Variants in OTUD7A observed in about 807,000 individuals in gnomAD.
OTUD7A encodes OTU domain-containing protein 7A.
A neutral mutation model predicts 65.7 loss-of-function variants in OTUD7A; 12 were observed. The ratio of observed to expected loss-of-function variants is 0.18; its 90% confidence interval spans 0.12 to 0.30. The LOEUF is 0.30. Among genes scored for constraint, OTUD7A ranks in the 10% least tolerant of loss-of-function variants. The probability of loss-of-function intolerance (pLI) is 1.00; values close to 1 mark genes in which losing one functional copy is unlikely to be tolerated. For missense variants in OTUD7A, 1,148 were observed against 1,304.8 expected, an observed-to-expected ratio of 0.88 and a Z score of 1.85; for synonymous variants, 641 against 586.3, an observed-to-expected ratio of 1.09 and a Z score of -1.35.
At chr15:31,648,565 C>G (rs7496086) in intron 3 of OTUD7A, among the ~76,000 whole-genome samples, 46,713 of 152,014 alleles carry the variant, frequency 0.31, 8,426 homozygotes, top group African/African-American at 0.5. Context: ...GTTCTTTTCT[C>G]CTGATCACAA....
intron 1 of OTUD7A, among the ~76,000 whole-genome samples, chr15:31,772,644 C>G (rs1284079919): frequency 6.6e-6 from 1 of 152,176 alleles, no homozygotes; most frequent in African/African-American, 2.4e-5. Context: ...AGCCCCCCAG[C>G]TGATTTCAAT....
chr15:31,491,630 C>T (rs914218592), intron 10 of OTUD7A, among the ~76,000 whole-genome samples: 4 of 152,004 alleles, frequency 2.6e-5, no homozygotes, highest in Admixed American at 2.0e-4. Flanking sequence ...TTAATGACAA[C>T]CATCAACACA....
chr15:31,804,806 C>G (rs1033520952), intron 1 of OTUD7A, among the ~76,000 whole-genome samples: 1 of 152,172 alleles, frequency 6.6e-6, no homozygotes, highest in Non-Finnish European at 1.5e-5. Flanking sequence ...CAAACCAACC[C>G]ACCTGGCACA....
chr15:31,503,675 T>A lies in OTUD7A; in HGVS notation c.1021+16A>T. The A allele has an allele frequency of 1.2e-6, 2 of 1,614,106 alleles. No homozygotes were observed. The highest frequency in any genetic ancestry group is 1.7e-6 in the Non-Finnish European group (2 of 1,180,010). ...TTCTGTGTCATGAATACAACACATC[T>A]CTTTGAGGAACTTACCTTCTCCACC... On this transcript the variant is annotated intron_variant, in intron 9 of 12. Coordinates refer to ENST00000307050, the MANE Select transcript of OTUD7A (RefSeq NM_001382637.1).
chr15:31,651,476 G>C (rs1265391626), intron 3 of OTUD7A, among the ~76,000 whole-genome samples: 1 of 151,410 alleles, frequency 6.6e-6, no homozygotes, highest in Non-Finnish European at 1.5e-5. Context: ...AGTGAAATAA[G>C]ACAAGAAAAC....
chr15:31,660,174 T>C (rs564108799), intron 1 of OTUD7A, among the ~76,000 whole-genome samples: 226 of 152,334 alleles, frequency 1.5e-3, no homozygotes, highest in African/African-American at 5.2e-3. Context: ...TGGTTAAATA[T>C]GAAAAAAGGT....
chr15:31,746,929 G>T (rs1020873574), intron 1 of OTUD7A, among the ~76,000 whole-genome samples: 1 of 152,204 alleles, frequency 6.6e-6, no homozygotes, highest in African/African-American at 2.4e-5. Context: ...CTGTATCTTG[G>T]TAGGGGTGTC....
intron 3 of OTUD7A, among the ~76,000 whole-genome samples, chr15:31,601,318 G>A (rs1435672543): frequency 6.6e-6 from 1 of 152,088 alleles, no homozygotes; most frequent in East Asian, 1.9e-4. Context: ...ACCCAAAACT[G>A]CACAACAACA....
At chr15:31,540,706 G>A (rs1399507757) in intron 5 of OTUD7A, among the ~76,000 whole-genome samples, 1 of 152,194 alleles carries the variant, frequency 6.6e-6, no homozygotes, top group Non-Finnish European at 1.5e-5. Context: ...AAAATCCTGA[G>A]TTAAATAAAG....
intron 1 of OTUD7A, among the ~76,000 whole-genome samples, chr15:31,810,108 T>C (rs1896380250): frequency 6.6e-6 from 1 of 152,190 alleles, no homozygotes; most frequent in South Asian, 2.1e-4. Context: ...GTGCAGTTCT[T>C]CAGGCAGCTG....
intron 1 of OTUD7A, among the ~76,000 whole-genome samples, chr15:31,668,371 G>A (rs886697485): frequency 1.1e-4 from 17 of 152,120 alleles, no homozygotes; most frequent in African/African-American, 4.1e-4. Context: ...GTCTTTGTTG[G>A]ATTGGATTAA....
Position 31,629,774 on chromosome 15 carries a change from G to A in OTUD7A, c.151+25322C>T, listed in dbSNP as rs114278009. Among the ~76,000 whole-genome samples the A allele has an allele frequency of 7.6e-3, 1,153 of 152,282 alleles. 17 individuals carry two copies. The highest frequency in any genetic ancestry group is 0.026 in the African/African-American group (1,091 of 41,558). ...GATTATTGCTAAAATTTCAGAGCTC[G>A]TTATTGGTCTATTCAGAGATTCAAC... On this transcript the variant is annotated intron_variant, in intron 3 of 12. Coordinates refer to ENST00000307050, the MANE Select transcript of OTUD7A (RefSeq NM_001382637.1).
intron 3 of OTUD7A, among the ~76,000 whole-genome samples, chr15:31,573,813 A>G (rs544799494): frequency 6.6e-6 from 1 of 152,146 alleles, no homozygotes; most frequent in Non-Finnish European, 1.5e-5. Context: ...AGGTACAAGC[A>G]TTGCTTGAAC....
chr15:31,483,692 C>T lies in OTUD7A; in HGVS notation c.2404G>A (p.Ala802Thr). Residue 802 changes from alanine (A) to threonine (T), a missense_variant, in exon 13 of 13, where the codon GCC becomes ACC. This residue lies in a region of OTUD7A where 842 missense variants were observed against 769.5 expected (regional missense o/e 1.09). Transcript: ENST00000307050. ...APAVGALRPC[A>T]TYPQQNRSLS... ...GAGCGGTTCTGCTGCGGGTACGTGG[C>T]GCACGGCCGCAGCGCCCCCACGGCC... The T allele has an allele frequency of 8.6e-7, 1 of 1,156,726 alleles. No individual in the cohort carries two copies. Among genetic ancestry groups the T allele is most frequent in the Non-Finnish European group, 1.1e-6 (1 of 941,086 alleles). 71.7% of individuals were successfully genotyped at this position (1,156,726 alleles called of 1,614,324 possible). A position where few individuals can be genotyped will look rare whatever the true frequency, so the allele number is the denominator to read the frequency against.
intron 1 of OTUD7A, among the ~76,000 whole-genome samples, chr15:31,664,691 A>C (rs1353498320): frequency 6.6e-6 from 1 of 151,988 alleles, no homozygotes; most frequent in Non-Finnish European, 1.5e-5. Context: ...CTTTGTTTTT[A>C]TTGCATTTGC....
chr15:31,511,068 TATATGTATATCTATATGTAACATAC>T (rs1566892826), intron 8 of OTUD7A, among the ~76,000 whole-genome samples: 4 of 69,280 alleles, frequency 5.8e-5, no homozygotes, highest in Non-Finnish European at 7.9e-5. Flanking sequence ...AACATACATA[TATATGTATATCTATATGTAACATAC>T]ATATGTATAT....
Position 31,575,634 on chromosome 15 carries a change from A to C in OTUD7A, c.152-5437T>G, listed in dbSNP as rs559320215. Reference sequence around the variant, plus strand: ...GTCATTCCAGGATTCAGGCTTATAGAGCAGCCACTATAAGCCTATGACTGT... The same window carrying C: ...GTCATTCCAGGATTCAGGCTTATAGCGCAGCCACTATAAGCCTATGACTGT... On this transcript the variant is annotated intron_variant, in intron 3 of 12. Coordinates refer to ENST00000307050, the MANE Select transcript of OTUD7A (RefSeq NM_001382637.1). 3.7e-4 allele frequency among the ~76,000 whole-genome samples: 56 copies of C among 152,304 alleles called. 1 individual carries two copies. The Middle Eastern group carries it at 0.01, about 28-fold the overall frequency.
chr15:31,517,749 G>A (rs887678187), intron 8 of OTUD7A, among the ~76,000 whole-genome samples: 17 of 152,148 alleles, frequency 1.1e-4, no homozygotes, highest in Admixed American at 6.5e-5. Context: ...GGCAGAGGCT[G>A]AGGAGTCCCT....
intron 3 of OTUD7A, among the ~76,000 whole-genome samples, chr15:31,600,914 C>A (rs902447924): frequency 2.6e-5 from 4 of 152,142 alleles, no homozygotes; most frequent in Non-Finnish European, 5.9e-5. Flanking sequence ...AGCTAACTAT[C>A]CTAAATATAT....
Sources: gnomAD v4.1 joint callset for allele counts (sites outside exome capture counted in the v4.1 genomes callset) on GRCh38, gnomAD v4.1.1 for gene constraint, gnomAD v4.1.1 regional missense constraint, MANE v1.5 for transcripts, NCBI Gene and HGNC (gene_info 2026-07-23, HGNC 2026-07-21) for gene names.